Variants in PCDH15 observed in about 807,000 individuals in gnomAD.
PCDH15 encodes the protein protocadherin-15.
PCDH15 carries 129 observed loss-of-function variants against 178.5 expected under a neutral mutation model. The ratio of observed to expected loss-of-function variants is 0.72; its 90% CI spans 0.63 to 0.84. PCDH15 has a LOEUF of 0.84. Ranked by LOEUF, PCDH15 falls within the 40% of genes least tolerant of loss-of-function variation. The pLI is 0.00. For missense variants in PCDH15, 2,230 were observed against 2,099.9 expected (o/e 1.06, Z -1.21); for synonymous variants, 800 against 732.0 (o/e 1.09, Z -1.50).
At chr10:54,195,546 T>C in intron 11 of PCDH15, 137 bp downstream of exon 11, 1 of 708,394 alleles carries the variant, frequency 1.4e-6, no homozygotes, top group Non-Finnish European at 2.4e-6. Flanking sequence ...TGGAATTAAA[T>C]TATAACACTA....
intron 26 of PCDH15, among the ~76,000 whole-genome samples, chr10:53,868,124 G>C (rs1018408360): frequency 2.0e-5 from 3 of 151,688 alleles, no homozygotes; most frequent in African/African-American, 4.8e-5. Context: ...GAAAATAAAT[G>C]GTAGATAGGA....
At position 54,392,818 on chromosome 10, in the gene PCDH15, G is replaced by C. The variant is rs141987852; in HGVS notation, c.158-13876C>G. The stretch of plus-strand genomic sequence containing the variant: ...AGAGTCTGAGGCAGAAAAATCGCTT[G>C]AACCCTGGAAGTGGAGGTTGTAGTG... On this transcript the variant is annotated intron_variant, in intron 3 of 37. Coordinates refer to ENST00000644397, the MANE Select transcript of PCDH15 (RefSeq NM_001384140.1). 4.9e-3 allele frequency among the ~76,000 whole-genome samples: 734 copies of C among 149,846 alleles called. 8 individuals carry two copies. The highest frequency in any genetic ancestry group is 0.017 in the African/African-American group (682 of 40,650).
At chr10:55,206,774 G>A (rs774331407) in intron 1 of PCDH15, among the ~76,000 whole-genome samples, 34 of 151,932 alleles carry the variant, frequency 2.2e-4, no homozygotes, top group Non-Finnish European at 3.8e-4. Flanking sequence ...AAAATCAGAG[G>A]TCTTTAAATA....
intron 8 of PCDH15, among the ~76,000 whole-genome samples, chr10:54,239,797 T>C (rs2055047314): frequency 6.6e-6 from 1 of 152,094 alleles, no homozygotes; most frequent in African/African-American, 2.4e-5. Context: ...TTTACAATAT[T>C]TATTTTTCCT....
chr10:55,086,745 G>T (rs1226127250), intron 2 of PCDH15, among the ~76,000 whole-genome samples: 3 of 151,710 alleles, frequency 2.0e-5, no homozygotes, highest in East Asian at 3.9e-4. Flanking sequence ...TCTAATAAAA[G>T]AAAAACTATA....
chr10:54,758,065 G>T (rs936573614), intron 1 of PCDH15, among the ~76,000 whole-genome samples: 3 of 152,054 alleles, frequency 2.0e-5, no homozygotes, highest in African/African-American at 7.2e-5. Context: ...ACACGAAAAA[G>T]AAAAACATGA....
intron 2 of PCDH15, among the ~76,000 whole-genome samples, chr10:54,564,843 C>G (rs933315415): frequency 1.3e-5 from 2 of 152,036 alleles, no homozygotes; most frequent in South Asian, 4.1e-4. Context: ...AAAAATTACT[C>G]TACAAATTAT....
chr10:55,191,997 A>C (rs935016327), intron 1 of PCDH15, among the ~76,000 whole-genome samples: 2 of 151,980 alleles, frequency 1.3e-5, no homozygotes, highest in African/African-American at 4.8e-5. Context: ...CAGACAAGAA[A>C]ATGTTTAGCT....
chr10:55,200,439 G>GTAATT (rs1160605571), intron 1 of PCDH15, among the ~76,000 whole-genome samples: 1 of 152,120 alleles, frequency 6.6e-6, no homozygotes, highest in African/African-American at 2.4e-5. Context: ...ATGGAAGTAA[G>GTAATT]TAATTTGAAC....
intron 2 of PCDH15, among the ~76,000 whole-genome samples, chr10:55,397,929 C>A (rs929597362): frequency 6.6e-6 from 1 of 151,988 alleles, no homozygotes; most frequent in Non-Finnish European, 1.5e-5. Context: ...TAGTGACTGA[C>A]GTGAGGATGA....
Position 53,821,793 on chromosome 10 carries a change from T to C in PCDH15, c.4368-1563A>G, listed in dbSNP as rs2076283882. ...ATAGAGTCTTCTTTGACGTTCAAAT[T>C]TGATGTTCAACTTGAAGACTATGAT... On this transcript the variant is annotated intron_variant, in intron 32 of 37. Transcript: ENST00000644397. The C allele has an allele frequency of 1.1e-5, 17 of 1,599,660 alleles. No individual in the cohort carries two copies. The South Asian group carries it at 1.2e-4, about 12-fold the overall frequency.
intron 2 of PCDH15, among the ~76,000 whole-genome samples, chr10:55,332,107 T>A (rs1228650318): frequency 6.6e-6 from 1 of 152,172 alleles, no homozygotes. Context: ...CAATTATTTG[T>A]GAAGACCAAT....
At chr10:55,520,092 A>ATGTATATATATACACGCAATG (rs1278308544) in intron 2 of PCDH15, among the ~76,000 whole-genome samples, 2 of 140,218 alleles carry the variant, frequency 1.4e-5, no homozygotes, top group African/African-American at 5.2e-5. Flanking sequence ...AGGCATATAT[A>ATGTATATATATACACGCAATG]TGTATATATA....
chr10:54,558,752 G>A (rs1475918403), intron 2 of PCDH15, among the ~76,000 whole-genome samples: 2 of 151,814 alleles, frequency 1.3e-5, no homozygotes, highest in East Asian at 3.9e-4. Context: ...ACTGTTGTGG[G>A]AAAATGTGAG....
chr10:54,853,314 T>TATACACACATATACAC (rs1554806792), intron 3 of PCDH15, among the ~76,000 whole-genome samples: 1 of 129,104 alleles, frequency 7.7e-6, no homozygotes, highest in Admixed American at 8.1e-5. Context: ...TATATATATA[T>TATACACACATATACAC]ATATACATAC....
chr10:54,137,409 A>G (rs1263293731), intron 14 of PCDH15, among the ~76,000 whole-genome samples: 2 of 152,178 alleles, frequency 1.3e-5, no homozygotes, highest in Non-Finnish European at 2.9e-5. Context: ...AACCTACCCA[A>G]TAGTTCCATA....
chr10:54,972,312 G>C (rs1838954158), intron 2 of PCDH15, among the ~76,000 whole-genome samples: 1 of 151,934 alleles, frequency 6.6e-6, no homozygotes, highest in Non-Finnish European at 1.5e-5. Flanking sequence ...GGCCGAGGTG[G>C]GCGGATCACC....
intron 3 of PCDH15, among the ~76,000 whole-genome samples, chr10:54,510,417 C>T (rs2081551326): frequency 6.6e-6 from 1 of 152,186 alleles, no homozygotes; most frequent in Non-Finnish European, 1.5e-5. Flanking sequence ...ATTCTCTCTA[C>T]TTGGGTACAG....
chr10:54,439,141 G>A (rs1446144677), intron 3 of PCDH15, among the ~76,000 whole-genome samples: 5 of 151,868 alleles, frequency 3.3e-5, no homozygotes, highest in Admixed American at 1.3e-4. Flanking sequence ...GTTTAGAAGA[G>A]TTAATATCAA....
Sources: gnomAD v4.1 joint callset for allele counts (sites outside exome capture counted in the v4.1 genomes callset) on GRCh38, gnomAD v4.1.1 for gene constraint, MANE v1.5 for transcripts, NCBI Gene and HGNC (gene_info 2026-07-23, HGNC 2026-07-21) for gene names.